CACNA1D: variants seen among roughly 807,000 people sequenced by gnomAD.
CACNA1D encodes voltage-dependent L-type calcium channel subunit alpha-1D.
A neutral mutation model predicts 257.1 loss-of-function variants in CACNA1D; 55 were observed. That is an observed-to-expected ratio of 0.21 (90% CI 0.17 to 0.27). CACNA1D has a LOEUF of 0.27. CACNA1D is among the 10% of genes least tolerant of loss of function. The pLI, the probability that CACNA1D is intolerant of heterozygous loss-of-function variation, is 1.00. For missense variants in CACNA1D, 1,876 were observed against 2,784.0 expected (o/e 0.67, Z 7.34); for synonymous variants, 980 against 1,014.9 (o/e 0.97, Z 0.65).
At chr3:53,777,643 G>A (rs902783704) in intron 37 of CACNA1D, among the ~76,000 whole-genome samples, 4 of 152,200 alleles carry the variant, frequency 2.6e-5, no homozygotes, top group Admixed American at 2.0e-4. Context: ...GGTGCTCTGT[G>A]TTCCACACGT....
At chr3:53,760,584 G>T (rs1331935351) in intron 29 of CACNA1D, among the ~76,000 whole-genome samples, 1 of 152,204 alleles carries the variant, frequency 6.6e-6, no homozygotes, top group African/African-American at 2.4e-5. Flanking sequence ...TGTCTGTGCA[G>T]TATCTCCCCA....
chr3:53,717,312 C>G (rs1177948657), intron 9 of CACNA1D, among the ~76,000 whole-genome samples: 1 of 152,372 alleles, frequency 6.6e-6, no homozygotes, highest in South Asian at 2.1e-4. Flanking sequence ...TGGAAGTGAG[C>G]TGGGGGCTGC....
rs149459150 is a variant in CACNA1D at position 53,598,183 on chromosome 3, A to G, written c.484-52596A>G. Among the ~76,000 whole-genome samples, 11 of 152,328 alleles carry G rather than the reference A, an allele frequency of 7.2e-5. No homozygotes were observed. The East Asian group carries it at 1.9e-3, about 27-fold the overall frequency. The stretch of plus-strand genomic sequence containing the variant: ...AGTGGAAGTAAATTTTCAATATTAT[A>G]CATTAACAAGTCATAACTAATAACT... On this transcript the variant is annotated intron_variant, in intron 3 of 47. Coordinates refer to ENST00000350061, the MANE Select transcript of CACNA1D (RefSeq NM_001128840.3).
chr3:53,738,433 C>A (rs555186226), intron 20 of CACNA1D, among the ~76,000 whole-genome samples: 2 of 152,254 alleles, frequency 1.3e-5, no homozygotes, highest in Admixed American at 1.3e-4. Flanking sequence ...TTTAGTTGCT[C>A]TAGATGCCCC....
chr3:53,655,891 C>T lies in CACNA1D; in HGVS notation c.624-4242C>T, dbSNP rs146684400. Among the ~76,000 whole-genome samples the T allele has an allele frequency of 3.0e-4, 45 of 152,198 alleles. No individual in the cohort carries two copies. The East Asian group carries it at 8.7e-3, about 29-fold the overall frequency. On this transcript the variant is annotated intron_variant, in intron 4 of 47. Transcript: ENST00000350061. ...GAATGGTATTGCCTAGGTTGTCTTCCAGGGTTTTTTATAGTTTTGGGTTTT... is the reference window on the plus strand; with the variant it reads ...GAATGGTATTGCCTAGGTTGTCTTCTAGGGTTTTTTATAGTTTTGGGTTTT...
chr3:53,522,199 G>A (rs528572734), intron 3 of CACNA1D, among the ~76,000 whole-genome samples: 23 of 152,270 alleles, frequency 1.5e-4, no homozygotes, highest in Admixed American at 9.2e-4. Flanking sequence ...CGACATATGG[G>A]TTGTTTCCAT....
chr3:53,732,483 G>A (rs554223259), intron 18 of CACNA1D, among the ~76,000 whole-genome samples: 51 of 152,330 alleles, frequency 3.3e-4, no homozygotes, highest in African/African-American at 1.1e-3. Context: ...TAGTCTGAGC[G>A]AGGAGGTTAC....
intron 7 of CACNA1D, among the ~76,000 whole-genome samples, chr3:53,670,782 T>C (rs1306103645): frequency 2.0e-5 from 3 of 152,252 alleles, no homozygotes; most frequent in Non-Finnish European, 4.4e-5. Flanking sequence ...TGGAAGCCAG[T>C]TTCTTCATTG....
In CACNA1D at chr3:53,751,672, T is replaced by G. The variant is rs1014875632; in HGVS notation, c.3517-77T>G. ...CCCGGGAGCTGTAGGGTGAGCTCTTTCAGAGCAGATGACCACGGGGTCCTC... is the reference window on the plus strand; with the variant it reads ...CCCGGGAGCTGTAGGGTGAGCTCTTGCAGAGCAGATGACCACGGGGTCCTC... On this transcript the variant is annotated intron_variant, in intron 27 of 47. Transcript: ENST00000350061. The surrounding 1 kb of genome is among the most constrained non-coding windows in gnomAD (Gnocchi z 4.3). 2.4e-5 allele frequency: 36 copies of G among 1,476,346 alleles called. No homozygotes were observed. In the African/African-American group the frequency reaches 4.9e-4, roughly 20 times the overall value. 91.5% of individuals were successfully genotyped at this position (1,476,346 alleles called of 1,614,324 possible).
intron 32 of CACNA1D, among the ~76,000 whole-genome samples, chr3:53,772,359 C>T (rs1217170116): frequency 1.3e-5 from 2 of 152,214 alleles, no homozygotes; most frequent in Non-Finnish European, 2.9e-5. Flanking sequence ...GGAAATACTT[C>T]AGCAGAAGCA....
intron 3 of CACNA1D, among the ~76,000 whole-genome samples, chr3:53,513,078 G>A (rs2091186255): frequency 6.6e-6 from 1 of 152,206 alleles, no homozygotes; most frequent in South Asian, 2.1e-4. Flanking sequence ...TCAGTTTCTT[G>A]TTTTTGTGTG....
At chr3:53,798,511 A>G (rs1317937828) in intron 40 of CACNA1D, among the ~76,000 whole-genome samples, 4 of 152,160 alleles carry the variant, frequency 2.6e-5, no homozygotes, top group Non-Finnish European at 1.5e-5. Context: ...TCTGTCCCCT[A>G]TAAGATCTCA....
chr3:53,539,390 G>T (rs1297256831), intron 3 of CACNA1D, among the ~76,000 whole-genome samples: 3 of 152,116 alleles, frequency 2.0e-5, no homozygotes, highest in Non-Finnish European at 2.9e-5. Context: ...TTACCAGCAT[G>T]AGCCACCGTG....
chr3:53,751,651 G>A lies in CACNA1D; in HGVS notation c.3517-98G>A. The A allele has an allele frequency of 8.1e-7, 1 of 1,228,906 alleles. No individual in the cohort carries two copies. The highest frequency in any genetic ancestry group is 1.2e-6 in the Non-Finnish European group (1 of 831,306). 76.1% of individuals were successfully genotyped at this position (1,228,906 alleles called of 1,614,324 possible). On this transcript the variant is annotated intron_variant, in intron 27 of 47. Coordinates refer to ENST00000350061, the MANE Select transcript of CACNA1D (RefSeq NM_001128840.3). This position sits in a 1 kb window ranked among gnomAD's most constrained non-coding sequence, Gnocchi z 4.3. ...CACCATCGTCCACGGCCCCTTCCCG[G>A]GAGCTGTAGGGTGAGCTCTTTCAGA...
chr3:53,505,895 C>T (rs149112932), intron 3 of CACNA1D, among the ~76,000 whole-genome samples: 1 of 152,306 alleles, frequency 6.6e-6, no homozygotes, highest in East Asian at 1.9e-4. Flanking sequence ...GCCAGGAATG[C>T]TGCGGGACAG....
At chr3:53,772,555 G>A (rs1302348239) in intron 32 of CACNA1D, among the ~76,000 whole-genome samples, 1 of 152,208 alleles carries the variant, frequency 6.6e-6, no homozygotes, top group South Asian at 2.1e-4. Flanking sequence ...TGTCTGTGTT[G>A]AAAATGTTTA....
chr3:53,758,115 A>C (rs1182637959), intron 29 of CACNA1D, among the ~76,000 whole-genome samples: 1 of 152,170 alleles, frequency 6.6e-6, no homozygotes, highest in Non-Finnish European at 1.5e-5. Context: ...GCATGAGACG[A>C]TACCTGCTTT....
intron 3 of CACNA1D, among the ~76,000 whole-genome samples, chr3:53,542,809 C>T (rs1459673441): frequency 6.6e-6 from 1 of 152,038 alleles, no homozygotes; most frequent in East Asian, 1.9e-4. Context: ...AATCTTAGCA[C>T]TTTGGGAGGT....
In CACNA1D at chr3:53,653,767, A is replaced by T. The variant is rs373367606; in HGVS notation, c.623+2849A>T. Among the ~76,000 whole-genome samples the T allele has an allele frequency of 1.1e-4, 16 of 152,200 alleles. No individual in the cohort carries two copies. In the South Asian group the frequency reaches 3.1e-3, roughly 30 times the overall value. On this transcript the variant is annotated intron_variant, in intron 4 of 47. Coordinates refer to ENST00000350061, the MANE Select transcript of CACNA1D (RefSeq NM_001128840.3). ...CAGAAGGAGAGGAGAGAAAGAGGAGACAGAAAAAAAATTTTGAAGAAACAG... is the reference window on the plus strand; with the variant it reads ...CAGAAGGAGAGGAGAGAAAGAGGAGTCAGAAAAAAAATTTTGAAGAAACAG...
Sources: gnomAD v4.1 joint callset for allele counts (sites outside exome capture counted in the v4.1 genomes callset) on GRCh38, gnomAD v4.1.1 for gene constraint, Gnocchi (gnomAD v3.1) non-coding constraint, MANE v1.5 for transcripts, NCBI Gene and HGNC (gene_info 2026-07-23, HGNC 2026-07-21) for gene names.